The following ETV1 variants were observed in gnomAD, a reference collection of about 807,000 sequenced individuals.
ETV1 encodes ETS variant transcription factor 1, also known as ETS translocation variant 1.
Under a neutral mutation model 62.3 loss-of-function variants are expected in ETV1, and 27 were observed. That is an observed-to-expected ratio of 0.43 (90% confidence interval 0.32 to 0.60). ETV1 has a LOEUF of 0.60. ETV1 is among the 20% of genes least tolerant of loss of function. The pLI, the probability that ETV1 is intolerant of heterozygous loss-of-function variation, is 0.06. For missense variants in ETV1, 605 were observed against 605.8 expected (o/e 1.00, Z 0.01); for synonymous variants, 222 against 199.6 (o/e 1.11, Z -0.94).
chr7:13,986,255 C>T (rs1159485739), intron 5 of ETV1: 12 of 1,534,100 alleles, frequency 7.8e-6, no homozygotes, highest in Non-Finnish European at 1.0e-5. Context: ...ATGATATGCG[C>T]TGCTCTAAAG....
At chr7:13,914,929 T>C in intron 9 of ETV1, among the ~76,000 whole-genome samples, 1 of 152,186 alleles carries the variant, frequency 6.6e-6, no homozygotes, top group East Asian at 1.9e-4. Flanking sequence ...CTGAAATTGC[T>C]CTGCTATCAA....
intron 12 of ETV1, among the ~76,000 whole-genome samples, chr7:13,903,587 AC>A (rs1782657138): frequency 6.6e-6 from 1 of 151,814 alleles, no homozygotes; most frequent in Admixed American, 6.6e-5. Context: ...ACATAGTGAA[AC>A]CCCGTCCCTA....
intron 9 of ETV1, among the ~76,000 whole-genome samples, 166 bp downstream of exon 9, chr7:13,931,336 T>G (rs1583676911): frequency 6.6e-6 from 1 of 152,352 alleles, no homozygotes; most frequent in South Asian, 2.1e-4. Flanking sequence ...AATGACCTGA[T>G]AGTTCAAATC....
rs575991910 is a variant in ETV1 at position 13,945,498 on chromosome 7, C to CA, written c.236-6253dup. Among the ~76,000 whole-genome samples, 340 of 150,478 alleles carry CA rather than the reference C, an allele frequency of 2.3e-3. 3 individuals are homozygous for CA. The highest frequency in any genetic ancestry group is 7.5e-3 in the African/African-American group (307 of 40,896). On this transcript the variant is annotated intron_variant, in intron 6 of 13. Transcript: ENST00000430479. Reference sequence around the variant, plus strand: ...AAGTAATCCAATGAATCTGAGTTGGCAAAAAAAATTTTTTTTTTGAATTGC... The same window carrying CA: ...AAGTAATCCAATGAATCTGAGTTGGCAAAAAAAAATTTTTTTTTTGAATTGC...
chr7:13,932,026 T>G (rs1786237470), intron 8 of ETV1, among the ~76,000 whole-genome samples: 1 of 142,724 alleles, frequency 7.0e-6, no homozygotes, highest in South Asian at 2.3e-4. Flanking sequence ...AATGAAAAAC[T>G]TTGAGGATTT....
At chr7:13,968,070 T>C (rs997968737) in intron 6 of ETV1, among the ~76,000 whole-genome samples, 2 of 152,106 alleles carry the variant, frequency 1.3e-5, no homozygotes, top group Admixed American at 6.5e-5. Flanking sequence ...AGTCCATTCA[T>C]TGTATAACAA....
intron 5 of ETV1, among the ~76,000 whole-genome samples, chr7:13,983,681 A>G (rs116912390): frequency 0.021 from 3,209 of 150,220 alleles, 49 homozygotes; most frequent in Non-Finnish European, 0.034. Flanking sequence ...TTTCTTCAGA[A>G]TAAGATAATT....
intron 9 of ETV1, 70 bp from the exon 10 acceptor site, chr7:13,911,377 T>C: frequency 2.9e-6 from 3 of 1,029,616 alleles, no homozygotes; most frequent in Non-Finnish European, 1.5e-6. Flanking sequence ...ATGGACAGGG[T>C]GCAGACAGAG....
chr7:13,950,187 G>A (rs1788633290), intron 6 of ETV1, among the ~76,000 whole-genome samples: 1 of 152,182 alleles, frequency 6.6e-6, no homozygotes, highest in African/African-American at 2.4e-5. Context: ...GTGCAAAACA[G>A]ATGAGAGTGG....
chr7:13,899,170 C>A (rs543652673), intron 13 of ETV1, among the ~76,000 whole-genome samples: 1 of 152,028 alleles, frequency 6.6e-6, no homozygotes, highest in African/African-American at 2.4e-5. Context: ...ACAGCCCAGG[C>A]AATGTGCCCC....
intron 9 of ETV1, 30 bp from the exon 10 acceptor site, chr7:13,911,337 G>C (rs1583596594): frequency 3.9e-6 from 6 of 1,535,518 alleles, no homozygotes; most frequent in Non-Finnish European, 5.4e-6. Context: ...TGGTCAAAAA[G>C]AGTCTGGAGC....
At chr7:13,930,926 G>T (rs1006123873) in intron 9 of ETV1, among the ~76,000 whole-genome samples, 1 of 150,232 alleles carries the variant, frequency 6.7e-6, no homozygotes, top group Non-Finnish European at 1.5e-5. Flanking sequence ...TCAGCCTCCC[G>T]AGTAGCTGGG....
At chr7:13,940,141 T>A (rs1372072720) in intron 6 of ETV1, among the ~76,000 whole-genome samples, 1 of 152,174 alleles carries the variant, frequency 6.6e-6, no homozygotes, top group East Asian at 1.9e-4. Context: ...GGCAAGTGGA[T>A]CACCTGAGGT....
chr7:13,958,845 A>C (rs1437815468), intron 6 of ETV1: 1 of 152,232 alleles, frequency 6.6e-6, no homozygotes, highest in Non-Finnish European at 1.5e-5. Flanking sequence ...AGTGTTTAGA[A>C]GAGGAACTAG....
Position 13,935,799 on chromosome 7 carries a change from A to C in ETV1, c.463T>G (p.Ser155Ala). ...VSPLHHASPN[S>A]THTPKPDRAF... ...CGGTCAGGTTTCGGTGTATGAGTTG[A>C]GTTTGGAGATGCATGATGCAGTGGG... is the stretch of plus-strand genomic sequence containing the variant. The change falls in exon 8 of 14, where the codon TCA (serine) becomes GCA (alanine). Residue 155 changes from serine (S) to alanine (A), a missense_variant. Physicochemically the swap from Ser to Ala is moderately conservative, Grantham distance 99. This residue lies in a region of ETV1 where 426 missense variants were observed against 377.8 expected (regional missense o/e 1.13). Coordinates refer to ENST00000430479, the MANE Select transcript of ETV1 (RefSeq NM_004956.5). 2 of 1,613,868 alleles carry C rather than the reference A, an allele frequency of 1.2e-6. No individual in the cohort carries two copies. Among genetic ancestry groups the C allele is most frequent in the Non-Finnish European group, 1.7e-6 (2 of 1,179,870 alleles).
At chr7:13,930,832 T>C (rs1054564409) in intron 9 of ETV1, among the ~76,000 whole-genome samples, 6 of 150,720 alleles carry the variant, frequency 4.0e-5, no homozygotes, top group Non-Finnish European at 8.9e-5. Flanking sequence ...ACGGAGTCTC[T>C]CTCTGTCACC....
intron 12 of ETV1, among the ~76,000 whole-genome samples, chr7:13,904,034 G>T (rs1437708244): frequency 6.6e-6 from 1 of 152,142 alleles, no homozygotes; most frequent in Non-Finnish European, 1.5e-5. Flanking sequence ...TTCACGGACT[G>T]TGCTGACACA....
chr7:13,928,500 G>C (rs998135770), intron 9 of ETV1, among the ~76,000 whole-genome samples: 12 of 152,094 alleles, frequency 7.9e-5, no homozygotes, highest in African/African-American at 1.9e-4. Context: ...TGTAATCCCA[G>C]CTACTCCGGA....
At chr7:13,904,344 C>T (rs1469536913) in intron 12 of ETV1, among the ~76,000 whole-genome samples, 2 of 152,174 alleles carry the variant, frequency 1.3e-5, no homozygotes, top group Non-Finnish European at 2.9e-5. Context: ...GAGGCTGCTA[C>T]AGAAGAGTTG....
Sources: allele counts gnomAD v4.1 joint callset (sites outside exome capture counted in the v4.1 genomes callset), GRCh38; gene constraint gnomAD v4.1.1; regional missense constraint gnomAD v4.1.1; transcripts MANE v1.5; gene names NCBI Gene and HGNC (gene_info 2026-07-23, HGNC 2026-07-21).